ANK2: variants seen among roughly 807,000 people sequenced by gnomAD.
ANK2 encodes the protein ankyrin-2.
In ANK2, 83 loss-of-function variants were observed where a neutral mutation model predicts 360.5. The observed-to-expected ratio is 0.23, with a 90% CI of 0.19 to 0.28. The LOEUF (loss-of-function observed/expected upper bound fraction) is 0.28. Ranked by LOEUF, ANK2 falls within the 10% of genes least tolerant of loss-of-function variation. The pLI, the probability that ANK2 is intolerant of heterozygous loss-of-function variation, is 1.00. For synonymous variants in ANK2, 1,740 were observed against 1,759.5 expected (o/e 0.99, Z 0.28); for missense variants, 4,201 against 4,795.7 (o/e 0.88, Z 3.66).
At chr4:113,110,664 A>G (rs982229844) in intron 1 of ANK2, among the ~76,000 whole-genome samples, 3 of 152,198 alleles carry the variant, frequency 2.0e-5, no homozygotes, top group African/African-American at 7.2e-5. Flanking sequence ...GTAGCACTTC[A>G]ATTCTCTGGT....
intron 2 of ANK2, among the ~76,000 whole-genome samples, chr4:113,195,757 T>A (rs766794021): frequency 9.2e-5 from 14 of 152,226 alleles, no homozygotes; most frequent in Non-Finnish European, 1.9e-4. Context: ...ATTTTTCAGG[T>A]TGAATTAATA....
chr4:113,376,931 A>C (rs1160856280), intron 45 of ANK2, among the ~76,000 whole-genome samples: 5 of 151,366 alleles, frequency 3.3e-5, no homozygotes, highest in Non-Finnish European at 7.4e-5. Flanking sequence ...GAAGGTATTC[A>C]GGAGCAATAA....
intron 4 of ANK2, among the ~76,000 whole-genome samples, chr4:113,229,967 G>A (rs2099272262): frequency 6.6e-6 from 1 of 152,060 alleles, no homozygotes; most frequent in African/African-American, 2.4e-5. Flanking sequence ...TGTCATGAAA[G>A]AGCCCCATTC....
chr4:112,755,592 G>T, the ANK2 span, among the ~76,000 whole-genome samples: 2 of 152,078 alleles, frequency 1.3e-5, no homozygotes, highest in African/African-American at 4.8e-5. Context: ...TCTTAAGGGT[G>T]GGGGAGATTA....
intron 1 of ANK2, among the ~76,000 whole-genome samples, chr4:112,825,815 TG>T (rs2058304624): frequency 6.6e-6 from 1 of 152,142 alleles, no homozygotes; most frequent in Admixed American, 6.6e-5. Context: ...ACAAAGGAGG[TG>T]TGATCTAATG....
chr4:112,829,818 G>T (rs1256657566), intron 1 of ANK2, among the ~76,000 whole-genome samples: 1 of 152,072 alleles, frequency 6.6e-6, no homozygotes, highest in Non-Finnish European at 1.5e-5. Flanking sequence ...AATTAGCTGG[G>T]CGTGGTGGTG....
chr4:112,739,845 C>G, the ANK2 span, among the ~76,000 whole-genome samples: 1 of 152,060 alleles, frequency 6.6e-6, no homozygotes, highest in Non-Finnish European at 1.5e-5. Context: ...AAACCCATCT[C>G]TATTAAAAAT....
chr4:112,886,961 C>T (rs754774518), intron 1 of ANK2, among the ~76,000 whole-genome samples: 7 of 152,146 alleles, frequency 4.6e-5, no homozygotes, highest in Non-Finnish European at 7.4e-5. Flanking sequence ...ACCTGTAATG[C>T]GTTCTCCCAA....
At chr4:113,165,983 A>T (rs1399080546) in intron 1 of ANK2, among the ~76,000 whole-genome samples, 1 of 152,174 alleles carries the variant, frequency 6.6e-6, no homozygotes, top group Non-Finnish European at 1.5e-5. Flanking sequence ...ATTTTCATCT[A>T]TAAACTTACC....
chr4:113,280,408 G>C (rs557927206), intron 17 of ANK2, among the ~76,000 whole-genome samples: 20 of 152,262 alleles, frequency 1.3e-4, no homozygotes, highest in Admixed American at 2.6e-4. Context: ...GTCTACTCCA[G>C]AGTCCACAGT....
intron 1 of ANK2, among the ~76,000 whole-genome samples, chr4:113,158,604 G>A (rs932092459): frequency 6.6e-6 from 1 of 152,146 alleles, no homozygotes; most frequent in Non-Finnish European, 1.5e-5. Context: ...TTCTCACCAC[G>A]CTGCACATTA....
At chr4:113,213,128 C>G (rs1265727224) in intron 4 of ANK2, among the ~76,000 whole-genome samples, 3 of 152,118 alleles carry the variant, frequency 2.0e-5, no homozygotes, top group African/African-American at 7.2e-5. Context: ...AATAGAAGTC[C>G]AACTAACAAA....
At chr4:112,799,310 G>C in the ANK2 span, among the ~76,000 whole-genome samples, 1 of 152,090 alleles carries the variant, frequency 6.6e-6, no homozygotes. Context: ...TCGAGTGCCT[G>C]CTTCCGATTC....
At chr4:113,174,084 AT>A (rs1405312721) in intron 1 of ANK2, 1 of 267,744 alleles carries the variant, frequency 3.7e-6, no homozygotes, top group Non-Finnish European at 7.4e-6. Context: ...TGAAGCTAAA[AT>A]GAATGAGTAA....
At chr4:113,156,625 A>G (rs888033580) in intron 1 of ANK2, among the ~76,000 whole-genome samples, 9 of 151,992 alleles carry the variant, frequency 5.9e-5, no homozygotes, top group Non-Finnish European at 1.0e-4. Context: ...GACCTCCCAA[A>G]GTGCTGGGAT....
the ANK2 span, among the ~76,000 whole-genome samples, chr4:112,715,794 G>A: frequency 3.4e-3 from 525 of 152,208 alleles, 2 homozygotes; most frequent in Admixed American, 7.1e-3. Flanking sequence ...AATGAGGAAG[G>A]CATGGGACCA....
chr4:113,057,064 T>G (rs1398013529), intron 1 of ANK2, among the ~76,000 whole-genome samples: 2 of 152,184 alleles, frequency 1.3e-5, no homozygotes. Context: ...ATTGGTTTGC[T>G]GAGTGTATAG....
chr4:113,365,165 C>T lies in ANK2; in HGVS notation c.11015C>T (p.Thr3672Ile), dbSNP rs760126872. The change falls in exon 41 of 46, where the codon ACA becomes ATA. Residue 3672 changes from threonine to isoleucine, a missense_variant. By Grantham distance (89) the Thr-to-Ile change is moderately conservative. This residue lies in a region of ANK2 where 2,642 missense variants were observed against 2,714.5 expected (regional missense o/e 0.97). Transcript: ENST00000357077. ...HSYAEIEQTI[T>I]LDHSEGFSVL... ...TATGCAGAAATTGAACAGACCATTACACTGGATCATAGTGAAGGTCAAACT... is the reference window on the plus strand; with the variant it reads ...TATGCAGAAATTGAACAGACCATTATACTGGATCATAGTGAAGGTCAAACT... 14 of 1,612,824 alleles carry T rather than the reference C, an allele frequency of 8.7e-6. No individual in the cohort carries two copies. Among genetic ancestry groups the T allele is most frequent in the East Asian group, 2.2e-5 (1 of 44,814 alleles).
At chr4:112,828,317 C>T (rs2058887145) in intron 1 of ANK2, among the ~76,000 whole-genome samples, 1 of 148,174 alleles carries the variant, frequency 6.7e-6, no homozygotes, top group South Asian at 2.1e-4. Context: ...TCACTGCAAC[C>T]TCCGCCTCCT....
Sources: gnomAD v4.1 joint callset for allele counts (sites outside exome capture counted in the v4.1 genomes callset) on GRCh38, gnomAD v4.1.1 for gene constraint, gnomAD v4.1.1 regional missense constraint, MANE v1.5 for transcripts, NCBI Gene and HGNC (gene_info 2026-07-23, HGNC 2026-07-21) for gene names.